ZNF28: variants seen among roughly 807,000 people sequenced by gnomAD.
ZNF28 encodes zinc finger protein KOX24.
Under a neutral mutation model 7.2 loss-of-function variants are expected in ZNF28, and 5 were observed. The ratio of observed to expected loss-of-function variants is 0.70; its 90% CI spans 0.36 to 1.46. ZNF28 has a LOEUF of 1.46. Ranked by LOEUF, ZNF28 falls within the 40% of genes most tolerant of loss-of-function variation. ZNF28 has a pLI of 0.03. For synonymous variants in ZNF28, 288 were observed against 292.4 expected (o/e 0.99, Z 0.15); for missense variants, 879 against 866.6 (o/e 1.01, Z -0.18).
chr19:52,812,081 G>A (rs1354605457), intron 2 of ZNF28, among the ~76,000 whole-genome samples: 1 of 89,864 alleles, frequency 1.1e-5, no homozygotes, highest in Non-Finnish European at 2.1e-5. Context: ...CTGCCCGGCC[G>A]CCCCTACTGG....
chr19:52,810,163 C>T, intron 2 of ZNF28: 2 of 953,062 alleles, frequency 2.1e-6, no homozygotes, highest in South Asian at 1.3e-5. Flanking sequence ...GCTATCGAAG[C>T]TGGAGTCAGG....
intron 3 of ZNF28, chr19:52,805,656 A>AAATAAATAAATAAATAAATAAATG (rs1422908424): frequency 2.0e-5 from 3 of 150,842 alleles, no homozygotes; most frequent in Admixed American, 6.6e-5. Context: ...ATAAATAAAT[A>AAATAAATAAATAAATAAATAAATG]AATAAATAAA....
At chr19:52,810,680 G>A in intron 2 of ZNF28, 1 of 883,330 alleles carries the variant, frequency 1.1e-6, no homozygotes, top group East Asian at 2.4e-5. Context: ...GGCCGGGCTA[G>A]AGCGACATCA....
chr19:52,801,162 G>A lies in ZNF28; in HGVS notation c.683C>T (p.Ser228Leu). The A allele has an allele frequency of 6.2e-7, 1 of 1,613,956 alleles. No homozygotes were observed. The highest frequency in any genetic ancestry group is 8.5e-7 in the Non-Finnish European group (1 of 1,179,980). Residue 228 changes from serine (S) to leucine (L), a missense_variant, in exon 4 of 4, where the codon TCA becomes TTA. Ser to Leu is a moderately radical substitution (Grantham distance 145). This residue lies in a region of ZNF28 where 864 missense variants were observed against 830.2 expected (regional missense o/e 1.04). Transcript: ENST00000457749. ...GGTTATCTGATGTTTTTTTAAAAGT[G>A]AGCTACAATTAAAGGATTTGCCACT... ...IESGKSFNCS[S>L]LLKKHQITHL... is the part of the protein sequence containing the mutation.
chr19:52,821,332 T>G (rs1025769499), intron 1 of ZNF28, among the ~76,000 whole-genome samples: 2 of 151,996 alleles, frequency 1.3e-5, no homozygotes, highest in African/African-American at 2.4e-5. Context: ...AAAAAAGGTT[T>G]TGAGCAGGAA....
At position 52,798,419 on chromosome 19, in the gene ZNF28, A is replaced by C. The variant is rs555950335; in HGVS notation, c.*1269T>G. 5.7e-4 allele frequency: 236 copies of C among 417,328 alleles called. 1 individual carries two copies. The highest frequency in any genetic ancestry group is 8.7e-4 in the Non-Finnish European group (182 of 210,008). 25.9% of individuals were successfully genotyped at this position (417,328 alleles called of 1,614,324 possible). A position where few individuals can be genotyped will look rare whatever the true frequency, so the allele number is the denominator to read the frequency against. On this transcript the variant is annotated 3_prime_UTR_variant, in exon 4 of 4. Transcript: ENST00000457749. ...GTCAATTAATGCTTGATGGCTTGCTATACTAATGGCATTTGAAACAACTGT... is the reference window on the plus strand; with the variant it reads ...GTCAATTAATGCTTGATGGCTTGCTCTACTAATGGCATTTGAAACAACTGT...
chr19:52,800,582 T>C lies in ZNF28; in HGVS notation c.1263A>G (p.Ala421=), dbSNP rs2062852775. The C allele has an allele frequency of 3.1e-6, 5 of 1,612,072 alleles. No individual in the cohort carries two copies. The highest frequency in any genetic ancestry group is 1.3e-5 in the African/African-American group (1 of 74,276). The change falls in exon 4 of 4, where the codon GCA becomes GCG. Residue 421 remains alanine (A), a synonymous_variant. Coordinates refer to ENST00000457749, the MANE Select transcript of ZNF28 (RefSeq NM_006969.5). ...TATGTTTTGCCAGGTATGAATTATATGCAAAAGCCTTGTCACAAACCTTAC... is the reference window on the plus strand; with the variant it reads ...TATGTTTTGCCAGGTATGAATTATACGCAAAAGCCTTGTCACAAACCTTAC... ...YKCKVCDKAF[A]YNSYLAKHSI...
At chr19:52,810,023 C>T (rs553206299) in intron 2 of ZNF28, 24 of 745,708 alleles carry the variant, frequency 3.2e-5, no homozygotes, top group African/African-American at 2.4e-4. Flanking sequence ...AGCCGGAGCC[C>T]GAAGAGGAGC....
rs897319124 is a variant in ZNF28 at position 52,814,075 on chromosome 19, C to G, written c.15+3869G>C. Among the ~76,000 whole-genome samples the G allele has an allele frequency of 2.7e-5, 4 of 145,996 alleles. 1 individual carries two copies. The highest frequency in any genetic ancestry group is 1.1e-4 in the African/African-American group (4 of 37,430). ...AGTTACTACAGAATTTCTTCTAAAG[C>G]CTCATAATGCTGCAGAAATACACGT... On this transcript the variant is annotated intron_variant, in intron 2 of 3. Transcript: ENST00000457749.
Position 52,800,528 on chromosome 19 carries a change from G to T in ZNF28, c.1317C>A (p.Tyr439Ter). The T allele has an allele frequency of 6.2e-7, 1 of 1,613,672 alleles. No homozygotes were observed. The highest frequency in any genetic ancestry group is 8.5e-7 in the Non-Finnish European group (1 of 1,179,884). The change falls in exon 4 of 4, where the codon TAC becomes TAA. Residue 439 changes from tyrosine (Y) to a stop codon, truncating the protein, a stop_gained. Coordinates refer to ENST00000457749, the MANE Select transcript of ZNF28 (RefSeq NM_006969.5). LOFTEE classifies it low-confidence loss of function (END_TRUNC). The part of the protein sequence containing the change: ...HSIIHTGEKP[Y>*]KCNECGKVFN... ...AAACCTTGCCACATTCATTACACTT[G>T]TAAGGCTTCTCTCCAGTGTGAATTA...
intron 3 of ZNF28, among the ~76,000 whole-genome samples, chr19:52,806,251 C>T (rs140083222): frequency 8.6e-5 from 13 of 151,820 alleles, no homozygotes; most frequent in South Asian, 4.2e-4. Flanking sequence ...TGGAGTGCAA[C>T]GGTGCGATCT....
At chr19:52,803,843 C>T (rs2062903877) in intron 3 of ZNF28, among the ~76,000 whole-genome samples, 1 of 151,996 alleles carries the variant, frequency 6.6e-6, no homozygotes. Context: ...CCTGTAATCC[C>T]AGGTACTTGG....
intron 2 of ZNF28, among the ~76,000 whole-genome samples, chr19:52,809,588 A>G (rs144257819): frequency 6.6e-6 from 1 of 152,178 alleles, no homozygotes; most frequent in Non-Finnish European, 1.5e-5. Context: ...CGGGTGAATA[A>G]CCAGGTCAAG....
chr19:52,810,672 C>A, intron 2 of ZNF28: 2 of 962,026 alleles, frequency 2.1e-6, no homozygotes, highest in East Asian at 4.8e-5. Context: ...TCTACAGGGG[C>A]CGGGCTAGAG....
chr19:52,816,099 G>T (rs2063121008), intron 2 of ZNF28, among the ~76,000 whole-genome samples: 1 of 147,606 alleles, frequency 6.8e-6, no homozygotes, highest in Non-Finnish European at 1.5e-5. Context: ...GCTGGAAGGA[G>T]GGTGGAGGAT....
At chr19:52,810,894 TCCCCCTCCCTCTCCC>T (rs2063022026) in intron 2 of ZNF28, among the ~76,000 whole-genome samples, 1 of 3,888 alleles carries the variant, frequency 2.6e-4, no homozygotes, top group Non-Finnish European at 5.1e-4. Context: ...CCCCTCCCCC[TCCCCCTCCCTCTCCC>T]TCTCCCTCCA....
Position 52,801,512 on chromosome 19 carries a change from T to G in ZNF28, c.333A>C (p.Ala111=). 1 of 1,614,142 alleles carries G rather than the reference T, an allele frequency of 6.2e-7. No individual in the cohort carries two copies. The highest frequency in any genetic ancestry group is 8.5e-7 in the Non-Finnish European group (1 of 1,179,984). The part of the protein sequence containing the change: ...WKEDETNDHA[A]PMTEIKELTG... ...TCAACTCTTTGATTTCTGTCATGGG[T>G]GCTGCATGGTCATTTGTTTCATCTT... Residue 111 remains alanine (A), a synonymous_variant, in exon 4 of 4, where the codon GCA becomes GCC. Transcript: ENST00000457749.
At chr19:52,817,212 A>C (rs1417003803) in intron 2 of ZNF28, among the ~76,000 whole-genome samples, 1 of 152,038 alleles carries the variant, frequency 6.6e-6, no homozygotes, top group Non-Finnish European at 1.5e-5. Context: ...GTCTCTACTA[A>C]AAATACAAAA....
intron 2 of ZNF28, among the ~76,000 whole-genome samples, chr19:52,811,908 C>A (rs1251221507): frequency 8.4e-6 from 1 of 118,366 alleles, no homozygotes; most frequent in African/African-American, 3.7e-5. Context: ...GCCCCCCGCC[C>A]GGCCAGCCGC....
Sources: allele counts gnomAD v4.1 joint callset (sites outside exome capture counted in the v4.1 genomes callset), GRCh38; gene constraint gnomAD v4.1.1; regional missense constraint gnomAD v4.1.1; transcripts MANE v1.5; gene names NCBI Gene and HGNC (gene_info 2026-07-23, HGNC 2026-07-21).